Variants in STK32B observed in about 807,000 individuals in gnomAD.
STK32B encodes serine/threonine-protein kinase 32B.
A neutral mutation model predicts 52.6 loss-of-function variants in STK32B; 43 were observed. The observed-to-expected ratio is 0.82, with a 90% CI of 0.64 to 1.05. STK32B has a LOEUF of 1.05. Ranked by LOEUF, STK32B falls within the 50% of genes least tolerant of loss-of-function variation. STK32B has a pLI of 0.00. For missense variants in STK32B, 621 were observed against 534.6 expected (o/e 1.16, Z -1.59); for synonymous variants, 238 against 204.3 (o/e 1.17, Z -1.41).
At chr4:5,433,278 C>G (rs1450918111) in intron 6 of STK32B, among the ~76,000 whole-genome samples, 1 of 152,112 alleles carries the variant, frequency 6.6e-6, no homozygotes. Context: ...GAAGTTGACT[C>G]CCAGGTTTCT....
At chr4:5,401,022 G>A (rs544997846) in intron 5 of STK32B, among the ~76,000 whole-genome samples, 30 of 152,282 alleles carry the variant, frequency 2.0e-4, no homozygotes, top group African/African-American at 7.0e-4. Flanking sequence ...GCATGACAAG[G>A]CCAAACAGAG....
chr4:5,408,542 T>C (rs1214591871), intron 5 of STK32B, among the ~76,000 whole-genome samples: 3 of 152,124 alleles, frequency 2.0e-5, no homozygotes, highest in African/African-American at 7.2e-5. Flanking sequence ...ATAAATTACC[T>C]AGACTCAGGT....
At chr4:5,497,461 G>A (rs746830617) in intron 11 of STK32B, among the ~76,000 whole-genome samples, 1 of 152,206 alleles carries the variant, frequency 6.6e-6, no homozygotes, top group African/African-American at 2.4e-5. Flanking sequence ...TCTGGTTCCT[G>A]CCCAGTCCAC....
intron 3 of STK32B, among the ~76,000 whole-genome samples, chr4:5,295,895 T>C (rs536251066): frequency 1.3e-5 from 2 of 152,332 alleles, no homozygotes; most frequent in African/African-American, 4.8e-5. Flanking sequence ...CTTTCTGATG[T>C]GGGCATTTAG....
chr4:5,026,426 G>A, the STK32B span, among the ~76,000 whole-genome samples: 4 of 152,142 alleles, frequency 2.6e-5, no homozygotes, highest in East Asian at 1.9e-4. Flanking sequence ...TTACAATCAC[G>A]GCAGAAGGCA....
chr4:5,450,532 C>T (rs558832647), intron 7 of STK32B, among the ~76,000 whole-genome samples: 10 of 152,282 alleles, frequency 6.6e-5, no homozygotes, highest in Admixed American at 5.2e-4. Context: ...CTTACTCAGT[C>T]GAAAGCTGCT....
At chr4:5,490,199 C>T (rs552090548) in intron 11 of STK32B, among the ~76,000 whole-genome samples, 18 of 152,004 alleles carry the variant, frequency 1.2e-4, no homozygotes, top group South Asian at 6.2e-4. Flanking sequence ...CTCTACCTCC[C>T]GGGTTCAAGC....
In STK32B at chr4:5,395,959, TG is replaced by T. The variant is rs927685765; in HGVS notation, c.435-2243del. 3.3e-5 allele frequency among the ~76,000 whole-genome samples: 5 copies of T among 152,184 alleles called. No individual in the cohort carries two copies. Among genetic ancestry groups the T allele is most frequent in the African/African-American group, 1.2e-4 (5 of 41,450 alleles). ...AATGTGCGCCGGTGCAATGTGGATG[TG>T]GGGGCGTGGCCAGGCCCTGGGCTTG... On this transcript the variant is annotated intron_variant, in intron 4 of 11. Transcript: ENST00000282908. The surrounding 1 kb of genome is among the most constrained non-coding windows in gnomAD (Gnocchi z 4.4).
In STK32B at chr4:5,100,671, T is replaced by C. The variant is rs980608231; in HGVS notation, c.53-39234T>C. ...CTCTCTTTCTCTTTCATTCTTTCTT[T>C]CTTTCCTTTCTTACTTTCTTTCTTT... On this transcript the variant is annotated intron_variant, in intron 1 of 11. Coordinates refer to ENST00000282908, the MANE Select transcript of STK32B (RefSeq NM_018401.3). Among the ~76,000 whole-genome samples the C allele has an allele frequency of 1.5e-4, 8 of 53,578 alleles. No individual in the cohort carries two copies. The South Asian group carries it at 5.6e-3, about 37-fold the overall frequency. 35.1% of individuals were successfully genotyped at this position (53,578 alleles called of 152,430 possible). A position where few individuals can be genotyped will look rare whatever the true frequency, so the allele number is the denominator to read the frequency against.
At chr4:5,116,808 T>C (rs1714746848) in intron 1 of STK32B, among the ~76,000 whole-genome samples, 1 of 152,004 alleles carries the variant, frequency 6.6e-6, no homozygotes, top group South Asian at 2.1e-4. Context: ...GTTTGTGTTT[T>C]AATTCCTTTC....
At chr4:5,365,950 G>T (rs1313466656) in intron 4 of STK32B, among the ~76,000 whole-genome samples, 2 of 152,192 alleles carry the variant, frequency 1.3e-5, no homozygotes, top group Middle Eastern at 3.4e-3. Context: ...ACACTCCTCA[G>T]TGTTTACAGA....
chr4:5,125,380 T>C (rs1383114945), intron 1 of STK32B, among the ~76,000 whole-genome samples: 6 of 152,222 alleles, frequency 3.9e-5, no homozygotes, highest in Admixed American at 3.9e-4. Context: ...GGCCTCGGGC[T>C]AGGAACTGAG....
At chr4:5,248,936 GA>G (rs1725671946) in intron 3 of STK32B, among the ~76,000 whole-genome samples, 1 of 149,074 alleles carries the variant, frequency 6.7e-6, no homozygotes, top group African/African-American at 2.5e-5. Context: ...GGGGTGGGGG[GA>G]GAGGGGAGGA....
At chr4:5,129,815 A>C (rs1715641108) in intron 1 of STK32B, among the ~76,000 whole-genome samples, 1 of 152,210 alleles carries the variant, frequency 6.6e-6, no homozygotes, top group Non-Finnish European at 1.5e-5. Context: ...TCTCATTGCA[A>C]ATGTGTACAG....
At chr4:5,030,612 C>G in the STK32B span, among the ~76,000 whole-genome samples, 1 of 152,166 alleles carries the variant, frequency 6.6e-6, no homozygotes, top group African/African-American at 2.4e-5. Context: ...TTGGTATTAT[C>G]ACAGCCTCAA....
At chr4:5,143,623 C>G (rs928333795) in intron 2 of STK32B, among the ~76,000 whole-genome samples, 2 of 152,156 alleles carry the variant, frequency 1.3e-5, no homozygotes, top group Admixed American at 6.5e-5. Context: ...TTCACAGACA[C>G]ACCTCTCAGC....
Position 5,051,656 on chromosome 4 carries a change from G to A in STK32B, c.-208G>A. 1.8e-6 allele frequency: 1 copy of A among 568,500 alleles called. No homozygotes were observed. The highest frequency in any genetic ancestry group is 3.5e-5 in the East Asian group (1 of 28,376). The allele number at this position is 568,500 out of a possible 1,614,324, so 35.2% of individuals were successfully genotyped here. ...CACGGCGGAAGGCGCGGCGAGAGCG[G>A]GGTCCCTGCGAGCGCAGTCGGAAGG... On this transcript the variant is annotated 5_prime_UTR_variant, in exon 1 of 12. Coordinates refer to ENST00000282908, the MANE Select transcript of STK32B (RefSeq NM_018401.3).
At chr4:5,332,397 A>G (rs368216587) in intron 4 of STK32B, among the ~76,000 whole-genome samples, 1 of 152,306 alleles carries the variant, frequency 6.6e-6, no homozygotes, top group African/African-American at 2.4e-5. Flanking sequence ...AAAGCTCAGG[A>G]ATTGGCAGCA....
chr4:5,320,346 C>G (rs1452753761), intron 3 of STK32B, among the ~76,000 whole-genome samples: 1 of 152,144 alleles, frequency 6.6e-6, no homozygotes, highest in African/African-American at 2.4e-5. Flanking sequence ...TCCAGTGCCT[C>G]TTGATTTTCA....
Sources: allele counts gnomAD v4.1 joint callset (sites outside exome capture counted in the v4.1 genomes callset), GRCh38; gene constraint gnomAD v4.1.1; non-coding constraint Gnocchi (gnomAD v3.1); transcripts MANE v1.5; gene names NCBI Gene and HGNC (gene_info 2026-07-23, HGNC 2026-07-21).